Variants in PTPRR observed in about 807,000 individuals in gnomAD.
PTPRR encodes the protein protein tyrosine phosphatase receptor type R.
A neutral mutation model predicts 77.2 loss-of-function variants in PTPRR; 38 were observed. The observed-to-expected ratio is 0.49, with a 90% CI of 0.38 to 0.65. The LOEUF is 0.65. Ranked by LOEUF, PTPRR falls within the 30% of genes least tolerant of loss-of-function variation. The pLI is 0.00. For synonymous variants in PTPRR, 299 were observed against 283.1 expected, an observed-to-expected ratio of 1.06 and a Z score of -0.57; for missense variants, 744 against 799.2, an observed-to-expected ratio of 0.93 and a Z score of 0.83.
chr12:70,789,088 G>T (rs890156597), intron 2 of PTPRR: 4 of 446,628 alleles, frequency 9.0e-6, no homozygotes, highest in South Asian at 5.6e-5. Flanking sequence ...AAATTCATGG[G>T]GATTTTTTTT....
intron 1 of PTPRR, among the ~76,000 whole-genome samples, chr12:70,911,316 G>A (rs1893695671): frequency 6.6e-6 from 1 of 152,136 alleles, no homozygotes. Flanking sequence ...CAGAGGAGTA[G>A]ACAACAGATG....
chr12:70,701,461 A>G (rs552660153), intron 6 of PTPRR, 138 bp from the exon 7 acceptor site: 10 of 725,428 alleles, frequency 1.4e-5, no homozygotes, highest in South Asian at 6.6e-5. Context: ...TTTTAGTATC[A>G]TGGTTGGCCA....
chr12:70,855,826 G>A (rs1892642299), intron 2 of PTPRR, among the ~76,000 whole-genome samples: 1 of 152,090 alleles, frequency 6.6e-6, no homozygotes. Flanking sequence ...TTGAAAACCT[G>A]CATATAACAA....
intron 2 of PTPRR, among the ~76,000 whole-genome samples, chr12:70,798,328 G>A (rs1209417287): frequency 6.6e-6 from 1 of 152,004 alleles, no homozygotes; most frequent in African/African-American, 2.4e-5. Context: ...TATGTCTTGG[G>A]ATACTATTAT....
chr12:70,689,754 C>A, intron 8 of PTPRR, among the ~76,000 whole-genome samples: 1 of 152,166 alleles, frequency 6.6e-6, no homozygotes, highest in Middle Eastern at 3.2e-3. Flanking sequence ...GCCAAGCATG[C>A]TCCGTGCTGT....
intron 13 of PTPRR, among the ~76,000 whole-genome samples, chr12:70,643,677 T>C (rs1029545737): frequency 6.6e-6 from 1 of 152,210 alleles, no homozygotes; most frequent in African/African-American, 2.4e-5. Context: ...ATAGGTTTCA[T>C]GGATTTGCTA....
chr12:70,800,000 G>A (rs978982213), intron 2 of PTPRR, among the ~76,000 whole-genome samples: 29 of 152,110 alleles, frequency 1.9e-4, no homozygotes, highest in Admixed American at 1.1e-3. Context: ...GACAGTTCTC[G>A]TCTCTTTGAT....
At chr12:70,821,365 C>A (rs886655034) in intron 2 of PTPRR, among the ~76,000 whole-genome samples, 7 of 151,296 alleles carry the variant, frequency 4.6e-5, no homozygotes, top group Non-Finnish European at 2.9e-5. Context: ...GCTGGGATTA[C>A]AGGCACACAC....
chr12:70,662,300 A>G (rs931665245), intron 11 of PTPRR, among the ~76,000 whole-genome samples, 195 bp downstream of exon 11: 3 of 152,238 alleles, frequency 2.0e-5, no homozygotes, highest in African/African-American at 7.2e-5. Context: ...GTCTACTTAC[A>G]TTCATTTAAT....
chr12:70,716,999 T>C (rs1889056116), intron 6 of PTPRR, among the ~76,000 whole-genome samples: 2 of 152,216 alleles, frequency 1.3e-5, no homozygotes, highest in South Asian at 4.1e-4. Context: ...AAACTTACTA[T>C]ATTCAACATT....
chr12:70,667,889 T>A (rs1887069157), intron 10 of PTPRR, among the ~76,000 whole-genome samples: 1 of 152,046 alleles, frequency 6.6e-6, no homozygotes, highest in Non-Finnish European at 1.5e-5. Context: ...TTTCTTTTCA[T>A]TCATTTTCAA....
chr12:70,767,290 C>A (rs1432110541), intron 2 of PTPRR, among the ~76,000 whole-genome samples: 3 of 151,700 alleles, frequency 2.0e-5, no homozygotes, highest in Non-Finnish European at 4.4e-5. Flanking sequence ...CAGAGACACA[C>A]ATAGGCTCAA....
At position 70,672,688 on chromosome 12, in the gene PTPRR, G is replaced by A. The variant is rs1887279311; in HGVS notation, c.1498-10083C>T. The A allele has an allele frequency of 2.6e-6, 4 of 1,546,522 alleles. No homozygotes were observed. In the Admixed American group the frequency reaches 5.2e-5, roughly 20 times the overall value. On this transcript the variant is annotated intron_variant, in intron 10 of 13. Transcript: ENST00000283228. ...CAACCAGATGGTGGTCAAGACAGAG[G>A]AGCGGATAGCGTGGGTCTCCCAGTT...
intron 2 of PTPRR, among the ~76,000 whole-genome samples, chr12:70,865,056 G>A (rs368861160): frequency 5.0e-4 from 76 of 151,956 alleles, no homozygotes; most frequent in South Asian, 8.3e-4. Context: ...CTTGTGATCC[G>A]CCCGCCTTGG....
intron 2 of PTPRR, among the ~76,000 whole-genome samples, chr12:70,798,287 A>G (rs1891551237): frequency 6.6e-6 from 1 of 152,120 alleles, no homozygotes; most frequent in Admixed American, 6.5e-5. Context: ...ATCTGTCTCC[A>G]CTGTCAGCAC....
chr12:70,702,973 CCTTA>C (rs1342773143), intron 6 of PTPRR, among the ~76,000 whole-genome samples: 1 of 151,468 alleles, frequency 6.6e-6, no homozygotes, highest in African/African-American at 2.4e-5. Context: ...ATATATATCA[CCTTA>C]TTTATTATAC....
intron 2 of PTPRR, among the ~76,000 whole-genome samples, chr12:70,766,772 G>A (rs905521009): frequency 2.0e-5 from 3 of 151,932 alleles, no homozygotes; most frequent in Non-Finnish European, 2.9e-5. Flanking sequence ...GAGAAAGGTC[G>A]GGTTACCCAC....
At chr12:70,736,574 C>G (rs527371094) in intron 6 of PTPRR, among the ~76,000 whole-genome samples, 30 of 152,182 alleles carry the variant, frequency 2.0e-4, no homozygotes, top group Non-Finnish European at 4.1e-4. Flanking sequence ...CTTATACTCT[C>G]TGAGCATGAG....
intron 8 of PTPRR, among the ~76,000 whole-genome samples, chr12:70,692,335 A>C (rs1469666541): frequency 6.6e-6 from 1 of 151,976 alleles, no homozygotes; most frequent in Non-Finnish European, 1.5e-5. Flanking sequence ...AATATTATCT[A>C]TCTGTGCTGT....
Sources: allele counts gnomAD v4.1 joint callset (sites outside exome capture counted in the v4.1 genomes callset), GRCh38; gene constraint gnomAD v4.1.1; transcripts MANE v1.5; gene names NCBI Gene and HGNC (gene_info 2026-07-23, HGNC 2026-07-21).